Variants in TXN observed in about 807,000 individuals in gnomAD.
TXN encodes the protein thioredoxin, also known as ADF.
In TXN, 10 loss-of-function variants were observed where a neutral mutation model predicts 16.5. The observed-to-expected ratio is 0.61, with a 90% CI of 0.37 to 1.03. The LOEUF (loss-of-function observed/expected upper bound fraction) is 1.03, where lower values mean the gene tolerates loss of function less well. Ranked by LOEUF, TXN falls within the 50% of genes least tolerant of loss-of-function variation. The pLI is 0.01. For synonymous variants in TXN, 35 were observed against 39.4 expected (o/e 0.89, Z 0.42); for missense variants, 71 against 122.5 (o/e 0.58, Z 1.98).
intron 3 of TXN, 123 bp downstream of exon 3, chr9:110,250,696 AC>A (rs1837721710): frequency 1.2e-6 from 1 of 823,900 alleles, no homozygotes; most frequent in African/African-American, 1.8e-5. Context: ...CTGAGATAGA[AC>A]TTTTTAGATA....
chr9:110,253,665 T>C (rs1297010266), intron 1 of TXN, among the ~76,000 whole-genome samples: 1 of 151,720 alleles, frequency 6.6e-6, no homozygotes, highest in Admixed American at 6.6e-5. Context: ...CACAAGTACC[T>C]AAAATTCTGA....
At chr9:110,248,798 C>G (rs1219630922) in intron 3 of TXN, among the ~76,000 whole-genome samples, 1 of 152,042 alleles carries the variant, frequency 6.6e-6, no homozygotes, top group Non-Finnish European at 1.5e-5. Context: ...AAGGGCTTAT[C>G]ATGGCATCTG....
At position 110,247,192 on chromosome 9, in the gene TXN, G is replaced by A. The variant is rs577349641; in HGVS notation, c.190-2349C>T. On this transcript the variant is annotated intron_variant, in intron 3 of 4. Coordinates refer to ENST00000374517, the MANE Select transcript of TXN (RefSeq NM_003329.4). ...TTGAAATTTAGCCTGGTGTGGTAGCGGCTGCCTGTAGTCCCAGCTACTCAG... is the reference window on the plus strand; with the variant it reads ...TTGAAATTTAGCCTGGTGTGGTAGCAGCTGCCTGTAGTCCCAGCTACTCAG... Among the ~76,000 whole-genome samples, 8 of 152,094 alleles carry A rather than the reference G, an allele frequency of 5.3e-5. No homozygotes were observed. In the South Asian group the frequency reaches 6.2e-4, roughly 12 times the overall value.
At chr9:110,247,421 A>T (rs1355721307) in intron 3 of TXN, among the ~76,000 whole-genome samples, 1 of 152,072 alleles carries the variant, frequency 6.6e-6, no homozygotes, top group East Asian at 1.9e-4. Flanking sequence ...AGTGCTTTGC[A>T]CACCTATAGT....
intron 3 of TXN, among the ~76,000 whole-genome samples, chr9:110,246,235 C>A (rs117055492): frequency 0.011 from 1,705 of 152,190 alleles, 19 homozygotes; most frequent in Middle Eastern, 0.017. Context: ...CTAAGAAAAT[C>A]GACAAATTCC....
chr9:110,250,713 A>T, intron 3 of TXN, 107 bp downstream of exon 3: 1 of 930,164 alleles, frequency 1.1e-6, no homozygotes, highest in Non-Finnish European at 1.7e-6. Flanking sequence ...AGATAGGATT[A>T]CAGTTCTAGA....
chr9:110,254,672 C>CCTT (rs1398682948), intron 1 of TXN, among the ~76,000 whole-genome samples: 1 of 152,166 alleles, frequency 6.6e-6, no homozygotes, highest in African/African-American at 2.4e-5. Flanking sequence ...CCCTTGTACA[C>CCTT]CTTTGTCACT....
chr9:110,255,216 T>C (rs1837792525), intron 1 of TXN, among the ~76,000 whole-genome samples: 1 of 152,222 alleles, frequency 6.6e-6, no homozygotes, highest in African/African-American at 2.4e-5. Context: ...CCTCCTCTGC[T>C]TCCCGCAGGT....
At chr9:110,245,648 ATATATATTT>A (rs1450279719) in intron 3 of TXN, among the ~76,000 whole-genome samples, 3 of 23,530 alleles carry the variant, frequency 1.3e-4, no homozygotes, top group African/African-American at 4.2e-4. Flanking sequence ...ATATATATAT[ATATATATTT>A]TTTTTTTTTT....
Position 110,245,602 on chromosome 9 carries a change from T to TACACAC in TXN, c.190-765_190-760dup, listed in dbSNP as rs1554766611. Reference sequence around the variant, plus strand: ...TTTTGTGTGTGTGTGTGTATATATATACACACACACACACACTATATATAT... The same window carrying TACACAC: ...TTTTGTGTGTGTGTGTGTATATATATACACACACACACACACACACACTATATATAT... On this transcript the variant is annotated intron_variant, in intron 3 of 4. Transcript: ENST00000374517. Among the ~76,000 whole-genome samples, 19 of 62,500 alleles carry TACACAC rather than the reference T, an allele frequency of 3.0e-4. 1 individual carries two copies. The highest frequency in any genetic ancestry group is 2.8e-4 in the Admixed American group (1 of 3,618). The allele number at this position is 62,500 out of a possible 152,430, so 41.0% of individuals were successfully genotyped here.
chr9:110,246,754 A>C lies in TXN; in HGVS notation c.190-1911T>G, dbSNP rs544969740. Among the ~76,000 whole-genome samples the C allele has an allele frequency of 2.6e-5, 4 of 152,332 alleles. No homozygotes were observed. In the East Asian group the frequency reaches 7.7e-4, roughly 29 times the overall value. On this transcript the variant is annotated intron_variant, in intron 3 of 4. Transcript: ENST00000374517. ...TTTTAATGCTGGACACCTGCTGAGC[A>C]TGAAAGTACAGGTTCCAGTAAGAGG... is the stretch of plus-strand genomic sequence containing the variant.
At chr9:110,250,450 G>C (rs1837718315) in intron 3 of TXN, among the ~76,000 whole-genome samples, 1 of 152,202 alleles carries the variant, frequency 6.6e-6, no homozygotes, top group South Asian at 2.1e-4. Flanking sequence ...AGTTCACAAA[G>C]AGCCCTACAA....
At position 110,252,261 on chromosome 9, in the gene TXN, T is replaced by G. The variant is rs183902314; in HGVS notation, c.25-799A>C. Among the ~76,000 whole-genome samples, 585 of 142,922 alleles carry G rather than the reference T, an allele frequency of 4.1e-3. 6 individuals carry two copies. Among genetic ancestry groups the G allele is most frequent in the African/African-American group, 0.016 (557 of 35,862 alleles). The allele number at this position is 142,922 out of a possible 152,430, so 93.8% of individuals were successfully genotyped here. A position where few individuals can be genotyped will look rare whatever the true frequency, so the allele number is the denominator to read the frequency against. On this transcript the variant is annotated intron_variant, in intron 1 of 4. Transcript: ENST00000374517. ...AAAAAAAAAAGCTATGACTTTTGAT[T>G]AAACTCATTTGTCTATGGTGGACCA...
Position 110,256,273 on chromosome 9 carries a change from G to C in TXN, c.24+139C>G, listed in dbSNP as rs531772906. The C allele has an allele frequency of 4.2e-6, 4 of 962,312 alleles. No homozygotes were observed. The Admixed American group carries it at 6.2e-5, about 15-fold the overall frequency. 59.6% of individuals were successfully genotyped at this position (962,312 alleles called of 1,614,324 possible). On this transcript the variant is annotated intron_variant, in intron 1 of 4. Coordinates refer to ENST00000374517, the MANE Select transcript of TXN (RefSeq NM_003329.4). The surrounding 1 kb of genome is among the most constrained non-coding windows in gnomAD (Gnocchi z 4.2). ...TCCCGCAGTCCCAGGCCGAGACGCC[G>C]CGTCCCTTTCCCCTGGCGATGCGGA...
At position 110,245,644 on chromosome 9, in the gene TXN, A is replaced by T. The variant is rs1339248117; in HGVS notation, c.190-801T>A. On this transcript the variant is annotated intron_variant, in intron 3 of 4. Transcript: ENST00000374517. ...TATATATATATATATATATATATATATATATATATATTTTTTTTTTTTTTT... is the reference window on the plus strand; with the variant it reads ...TATATATATATATATATATATATATTTATATATATATTTTTTTTTTTTTTT... Among the ~76,000 whole-genome samples the T allele has an allele frequency of 7.6e-4, 21 of 27,578 alleles. 1 individual carries two copies. The highest frequency in any genetic ancestry group is 8.7e-4 in the Non-Finnish European group (14 of 16,182). The allele number at this position is 27,578 out of a possible 152,430, so 18.1% of individuals were successfully genotyped here.
chr9:110,248,576 T>C (rs1837686444), intron 3 of TXN, among the ~76,000 whole-genome samples: 2 of 152,144 alleles, frequency 1.3e-5, no homozygotes, highest in African/African-American at 4.8e-5. Flanking sequence ...TTGCCTAACA[T>C]TTCTCAGAAA....
intron 1 of TXN, among the ~76,000 whole-genome samples, chr9:110,254,817 G>A (rs1420530091): frequency 6.6e-6 from 1 of 152,166 alleles, no homozygotes; most frequent in Non-Finnish European, 1.5e-5. Flanking sequence ...AAGGTCTTCT[G>A]GCTCAGTGGA....
At position 110,256,467 on chromosome 9, in the gene TXN, A is replaced by G. The variant is rs1369067214; in HGVS notation, c.-32T>C. ...TGCTGGAGTCTGACGAGCGGCTGTAAGGACCGATGGAAATGGATCCAAAGC... is the reference window on the plus strand; with the variant it reads ...TGCTGGAGTCTGACGAGCGGCTGTAGGGACCGATGGAAATGGATCCAAAGC... On this transcript the variant is annotated 5_prime_UTR_variant, in exon 1 of 5. Coordinates refer to ENST00000374517, the MANE Select transcript of TXN (RefSeq NM_003329.4). This position sits in a 1 kb window ranked among gnomAD's most constrained non-coding sequence, Gnocchi z 4.2. 25 of 1,600,698 alleles carry G rather than the reference A, an allele frequency of 1.6e-5. No homozygotes were observed. Among genetic ancestry groups the G allele is most frequent in the Non-Finnish European group, 2.0e-5 (24 of 1,173,756 alleles).
intron 3 of TXN, among the ~76,000 whole-genome samples, chr9:110,249,360 T>C (rs1837699037): frequency 6.6e-6 from 1 of 150,802 alleles, no homozygotes; most frequent in African/African-American, 2.4e-5. Flanking sequence ...TTAACAACCA[T>C]ATCACATTCA....
Sources: allele counts gnomAD v4.1 joint callset (sites outside exome capture counted in the v4.1 genomes callset), GRCh38; gene constraint gnomAD v4.1.1; non-coding constraint Gnocchi (gnomAD v3.1); transcripts MANE v1.5; gene names NCBI Gene and HGNC (gene_info 2026-07-23, HGNC 2026-07-21).